VTI1A: variants seen among roughly 807,000 people sequenced by gnomAD.
VTI1A encodes vesicle transport through interaction with t-SNAREs homolog 1A.
In VTI1A, 22 loss-of-function variants were observed where a neutral mutation model predicts 34.9. The ratio of observed to expected loss-of-function variants is 0.63; its 90% CI spans 0.45 to 0.90. VTI1A has a LOEUF of 0.90. Ranked by LOEUF, VTI1A falls within the 40% of genes least tolerant of loss-of-function variation. The probability of loss-of-function intolerance (pLI) is 0.00; values close to 1 mark genes in which losing one functional copy is unlikely to be tolerated. For missense variants in VTI1A, 268 were observed against 275.6 expected, an observed-to-expected ratio of 0.97 and a Z score of 0.20; for synonymous variants, 87 against 97.3, an observed-to-expected ratio of 0.89 and a Z score of 0.62.
rs532423581 is a variant in VTI1A at position 112,723,186 on chromosome 10, A to G, written c.560+54188A>G. ...TGATATTATAATTACCACCATCATC[A>G]TCGTCCTCCTCGTCACCATTATTGT... On this transcript the variant is annotated intron_variant, in intron 7 of 7. Coordinates refer to ENST00000393077, the MANE Select transcript of VTI1A (RefSeq NM_145206.4). 3.9e-5 allele frequency among the ~76,000 whole-genome samples: 6 copies of G among 152,326 alleles called. No individual in the cohort carries two copies. In the South Asian group the frequency reaches 1.0e-3, roughly 26 times the overall value.
intron 1 of VTI1A, chr10:112,448,788 C>T (rs764753078): frequency 6.6e-6 from 1 of 152,174 alleles, no homozygotes; most frequent in African/African-American, 2.4e-5. Flanking sequence ...TCCTCTTTCC[C>T]TTTCCCTACT....
At chr10:112,685,993 AT>A (rs1848394785) in intron 7 of VTI1A, among the ~76,000 whole-genome samples, 1 of 152,208 alleles carries the variant, frequency 6.6e-6, no homozygotes, top group Non-Finnish European at 1.5e-5. Context: ...TCAGTGCATG[AT>A]GCCATACCTT....
intron 7 of VTI1A, among the ~76,000 whole-genome samples, chr10:112,799,045 T>C (rs1247260226): frequency 6.6e-6 from 1 of 152,194 alleles, no homozygotes; most frequent in Non-Finnish European, 1.5e-5. Context: ...CTGGCTCCTG[T>C]TGACCCCTCC....
the VTI1A span, among the ~76,000 whole-genome samples, chr10:112,853,846 G>A: frequency 2.6e-5 from 4 of 152,288 alleles, no homozygotes; most frequent in South Asian, 6.2e-4. Context: ...GCTACACTCC[G>A]TGGACTCCTC....
chr10:112,563,663 A>T (rs1445119262), intron 5 of VTI1A, among the ~76,000 whole-genome samples: 1 of 152,218 alleles, frequency 6.6e-6, no homozygotes, highest in Non-Finnish European at 1.5e-5. Context: ...ACAATGAAAG[A>T]CTGTCTCTAA....
intron 7 of VTI1A, among the ~76,000 whole-genome samples, chr10:112,803,195 AG>A (rs1436663531): frequency 6.6e-6 from 1 of 152,088 alleles, no homozygotes; most frequent in African/African-American, 2.4e-5. Flanking sequence ...TAGCCTCCCA[AG>A]TAGCTGGGAT....
intron 5 of VTI1A, among the ~76,000 whole-genome samples, chr10:112,666,305 G>A (rs1198868579): frequency 6.6e-6 from 1 of 152,170 alleles, no homozygotes; most frequent in East Asian, 1.9e-4. Flanking sequence ...TTTGTATGCT[G>A]TCAAAAATAT....
chr10:112,740,041 G>T (rs1466172777), intron 7 of VTI1A, among the ~76,000 whole-genome samples: 2 of 152,190 alleles, frequency 1.3e-5, no homozygotes, highest in East Asian at 3.8e-4. Context: ...TTGCAGCTTT[G>T]AATGCCCTTT....
chr10:112,530,023 C>T (rs183133147), intron 4 of VTI1A, among the ~76,000 whole-genome samples: 109 of 152,140 alleles, frequency 7.2e-4, no homozygotes, highest in African/African-American at 2.4e-3. Context: ...AACATTTCTG[C>T]CATGATTAGA....
chr10:112,655,984 T>G (rs1237850287), intron 5 of VTI1A, among the ~76,000 whole-genome samples: 1 of 152,208 alleles, frequency 6.6e-6, no homozygotes, highest in Non-Finnish European at 1.5e-5. Context: ...GTCCTCTCAC[T>G]CAGGCCTTTA....
intron 7 of VTI1A, among the ~76,000 whole-genome samples, chr10:112,684,093 G>A (rs147041549): frequency 5.9e-3 from 886 of 150,704 alleles, no homozygotes; most frequent in Admixed American, 9.7e-3. Flanking sequence ...ACGTTATCAA[G>A]AAACAGGGAG....
At chr10:112,541,276 A>G (rs1480755748) in intron 5 of VTI1A, among the ~76,000 whole-genome samples, 1 of 152,178 alleles carries the variant, frequency 6.6e-6, no homozygotes, top group African/African-American at 2.4e-5. Flanking sequence ...TCATCTGTCC[A>G]TGTCATTAAT....
the VTI1A span, among the ~76,000 whole-genome samples, chr10:112,853,783 C>T: frequency 3.3e-5 from 5 of 152,194 alleles, no homozygotes; most frequent in African/African-American, 9.6e-5. Context: ...ACAGATTCTC[C>T]AGCTGTGGCC....
chr10:112,586,139 T>TC (rs1481219562), intron 5 of VTI1A, among the ~76,000 whole-genome samples: 1 of 151,374 alleles, frequency 6.6e-6, no homozygotes, highest in Non-Finnish European at 1.5e-5. Flanking sequence ...GGCTTTTTTT[T>TC]TTTCCTTCTA....
chr10:112,496,185 A>ACCCCCCCCCCCCCCC (rs66554158), intron 3 of VTI1A, among the ~76,000 whole-genome samples: 8 of 27,844 alleles, frequency 2.9e-4, no homozygotes, highest in African/African-American at 3.0e-4. Context: ...AAATGGGGAG[A>ACCCCCCCCCCCCCCC]CCCCCCCCCC....
At chr10:112,590,605 C>A (rs1344299960) in intron 5 of VTI1A, among the ~76,000 whole-genome samples, 3 of 151,804 alleles carry the variant, frequency 2.0e-5, no homozygotes, top group Non-Finnish European at 2.9e-5. Context: ...TTGTTTGAGC[C>A]TAGGAGGTCG....
At chr10:112,688,526 T>TC (rs948168470) in intron 7 of VTI1A, among the ~76,000 whole-genome samples, 2 of 149,400 alleles carry the variant, frequency 1.3e-5, no homozygotes, top group African/African-American at 4.9e-5. Context: ...TTTTTCTTTT[T>TC]TTTTTTTTTT....
chr10:112,635,914 G>A (rs1318093049), intron 5 of VTI1A, among the ~76,000 whole-genome samples: 4 of 152,174 alleles, frequency 2.6e-5, no homozygotes, highest in African/African-American at 9.7e-5. Context: ...ATAGGAAATG[G>A]GGAGTAAAAC....
At chr10:112,473,473 AT>A (rs1456327138) in intron 3 of VTI1A, among the ~76,000 whole-genome samples, 1 of 152,078 alleles carries the variant, frequency 6.6e-6, no homozygotes, top group Non-Finnish European at 1.5e-5. Context: ...ATTCTTGATC[AT>A]TTTAATGTGT....
Sources: allele counts gnomAD v4.1 joint callset (sites outside exome capture counted in the v4.1 genomes callset), GRCh38; gene constraint gnomAD v4.1.1; transcripts MANE v1.5; gene names NCBI Gene and HGNC (gene_info 2026-07-23, HGNC 2026-07-21).